SLC39A13: variants seen among roughly 807,000 people sequenced by gnomAD.
SLC39A13 encodes the protein solute carrier family 39 member 13.
A neutral mutation model predicts 38.7 loss-of-function variants in SLC39A13; 18 were observed. That is an observed-to-expected ratio of 0.47 (90% CI 0.32 to 0.69). The LOEUF is 0.69. SLC39A13 is among the 30% of genes least tolerant of loss of function. The pLI is 0.03. For synonymous variants in SLC39A13, 212 were observed against 219.1 expected (o/e 0.97, Z 0.29); for missense variants, 395 against 490.7 (o/e 0.80, Z 1.84).
intron 8 of SLC39A13, 58 bp from the exon 9 acceptor site, chr11:47,414,981 C>A: frequency 6.2e-7 from 1 of 1,609,876 alleles, no homozygotes; most frequent in South Asian, 1.1e-5. Flanking sequence ...GTGGCTACCG[C>A]ACTGCTGGTC....
chr11:47,413,721 T>G (rs1169048217), intron 6 of SLC39A13, 35 bp downstream of exon 6: 1 of 1,603,354 alleles, frequency 6.2e-7, no homozygotes, highest in Non-Finnish European at 8.5e-7. Flanking sequence ...CTCTGGCGAT[T>G]CCAGTGGCAG....
At chr11:47,413,897 G>C in intron 6 of SLC39A13, 3 of 721,124 alleles carry the variant, frequency 4.2e-6, no homozygotes, top group Non-Finnish European at 7.5e-6. Context: ...TCCTTGTTGG[G>C]TGCCTCTGTC....
At chr11:47,410,519 C>T in intron 2 of SLC39A13, 124 bp downstream of exon 2, 1 of 1,306,762 alleles carries the variant, frequency 7.7e-7, no homozygotes, top group Non-Finnish European at 1.1e-6. Flanking sequence ...TAGAACTTCT[C>T]CCCTTGGTCC....
In SLC39A13 at chr11:47,410,196, G is replaced by A; in HGVS notation, c.102G>A (p.Gln34=). The A allele has an allele frequency of 6.2e-7, 1 of 1,613,876 alleles. No individual in the cohort carries two copies. Among genetic ancestry groups the A allele is most frequent in the South Asian group, 1.1e-5 (1 of 91,076 alleles). ...TCTTGGAAAGGGCTGGGGGTTCCCA[G>A]CCGGCCCTCCGGAGCCGGGGGACTG... is the stretch of plus-strand genomic sequence containing the variant. ...LELLERAGGS[Q]PALRSRGTAT... The change falls in exon 2 of 10, where the codon CAG becomes CAA. Residue 34 remains glutamine, a synonymous_variant. Coordinates refer to ENST00000362021, the MANE Select transcript of SLC39A13 (RefSeq NM_001128225.3).
chr11:47,408,318 C>A (rs559794192), upstream of SLC39A13, among the ~76,000 whole-genome samples: 59 of 152,238 alleles, frequency 3.9e-4, no homozygotes, highest in Non-Finnish European at 5.3e-4. Context: ...AGAGCCGCCG[C>A]TTCCGTCCCT....
At chr11:47,414,740 G>A (rs764165855) in intron 7 of SLC39A13, 37 bp from the exon 8 acceptor site, 7 of 1,602,078 alleles carry the variant, frequency 4.4e-6, no homozygotes, top group Admixed American at 1.7e-5. Context: ...ATCAGGCCCC[G>A]CTGGGGCGCA....
chr11:47,412,317 G>T (rs759449829), intron 3 of SLC39A13, 29 bp from the exon 4 acceptor site: 5 of 1,603,542 alleles, frequency 3.1e-6, no homozygotes, highest in South Asian at 2.2e-5. Context: ...GCTTGGCCTG[G>T]CCTGGCCTGG....
intron 6 of SLC39A13, 78 bp from the exon 7 acceptor site, chr11:47,414,347 A>G (rs1395446990): frequency 2.7e-6 from 4 of 1,507,086 alleles, no homozygotes; most frequent in Middle Eastern, 1.7e-4. Flanking sequence ...AGCAGAGTAA[A>G]CCTCTGTGGA....
intron 6 of SLC39A13, 114 bp from the exon 7 acceptor site, chr11:47,414,299 CCAGTGGCCAACA>C: frequency 9.4e-7 from 1 of 1,060,076 alleles, no homozygotes; most frequent in Non-Finnish European, 1.4e-6. Context: ...TGCTGTATTT[CCAGTGGCCAACA>C]CAGTGCCCAC....
rs938888405 is a variant in SLC39A13, at chr11:47,409,658, C to G, written c.-8-429C>G. ...TTGCCCTGGCTCATCTGCTCAGTTTCCCCACGTATGTCTCTCTGAATCCAC... is the reference window on the plus strand; with the variant it reads ...TTGCCCTGGCTCATCTGCTCAGTTTGCCCACGTATGTCTCTCTGAATCCAC... On this transcript the variant is annotated intron_variant, in intron 1 of 9. Coordinates refer to ENST00000362021, the MANE Select transcript of SLC39A13 (RefSeq NM_001128225.3). 12 of 211,128 alleles carry G rather than the reference C, an allele frequency of 5.7e-5. 1 individual carries two copies. The South Asian group carries it at 8.5e-4, about 15-fold the overall frequency. The allele number at this position is 211,128 out of a possible 1,614,324, so 13.1% of individuals were successfully genotyped here.
rs1277777056 is a variant in SLC39A13 at position 47,415,479 on chromosome 11, C to T, written c.*116C>T. On this transcript the variant is annotated 3_prime_UTR_variant, in exon 10 of 10. Transcript: ENST00000362021. ...GTGGCTGCGAGAGAGAATGAGCCTC[C>T]CGCCAGACAGGAGGGAGGTGCGTGT... The T allele has an allele frequency of 8.4e-7, 1 of 1,193,136 alleles. No homozygotes were observed. Among genetic ancestry groups the T allele is most frequent in the African/African-American group, 1.5e-5 (1 of 66,938 alleles). The allele number at this position is 1,193,136 out of a possible 1,614,324, so 73.9% of individuals were successfully genotyped here. A position where few individuals can be genotyped will look rare whatever the true frequency, so the allele number is the denominator to read the frequency against.
At chr11:47,412,507 G>C (rs756545165) in intron 4 of SLC39A13, 40 bp downstream of exon 4, 11 of 1,613,416 alleles carry the variant, frequency 6.8e-6, no homozygotes, top group African/African-American at 1.3e-5. Flanking sequence ...ATCAGCCTCT[G>C]TTCTGTGGTA....
intron 1 of SLC39A13, among the ~76,000 whole-genome samples, chr11:47,409,426 G>A (rs371200604): frequency 2.0e-5 from 3 of 152,240 alleles, no homozygotes; most frequent in African/African-American, 7.2e-5. Flanking sequence ...AGGGCACTGA[G>A]GCTCAGAGGG....
chr11:47,415,289 C>A lies in SLC39A13; in HGVS notation c.1042C>A (p.Arg348Ser). The change falls in exon 10 of 10, where the codon CGC becomes AGC. Residue 348 changes from arginine to serine, a missense_variant and splice_region_variant. By Grantham distance (110) the Arg-to-Ser change is moderately radical. Coordinates refer to ENST00000362021, the MANE Select transcript of SLC39A13 (RefSeq NM_001128225.3). ...PDLLEEEDPW[R>S]SLQQLLLLCA... is the part of the protein sequence containing the mutation. Reference sequence around the variant, plus strand: ...CCGTGAGCCGTTCCCTCCCCACAGGCGCTCCCTGCAGCAGCTGCTTCTGCT... The same window carrying A: ...CCGTGAGCCGTTCCCTCCCCACAGGAGCTCCCTGCAGCAGCTGCTTCTGCT... The A allele has an allele frequency of 6.2e-7, 1 of 1,613,978 alleles. No homozygotes were observed. Among genetic ancestry groups the A allele is most frequent in the Non-Finnish European group, 8.5e-7 (1 of 1,180,012 alleles).
intron 3 of SLC39A13, 108 bp downstream of exon 3, chr11:47,412,147 A>T: frequency 1.5e-6 from 2 of 1,295,816 alleles, no homozygotes; most frequent in Non-Finnish European, 2.2e-6. Context: ...GGTTTCTGGC[A>T]GGAGCTTGCC....
Position 47,415,598 on chromosome 11 carries a change from T to TC in SLC39A13, c.*239dup. On this transcript the variant is annotated 3_prime_UTR_variant, in exon 10 of 10. Coordinates refer to ENST00000362021, the MANE Select transcript of SLC39A13 (RefSeq NM_001128225.3). ...GGTCCGGGGCCCAGTGTAGCGCCTG[T>TC]CCCCAGCCATGCTGTGGTTACCTCT... is the stretch of plus-strand genomic sequence containing the variant. 1 of 630,188 alleles carries TC rather than the reference T, an allele frequency of 1.6e-6. No homozygotes were observed. The highest frequency in any genetic ancestry group is 2.3e-5 in the Admixed American group (1 of 44,252). 39.0% of individuals were successfully genotyped at this position (630,188 alleles called of 1,614,324 possible).
chr11:47,407,358 G>C (rs2095976508), upstream of SLC39A13: 1 of 152,254 alleles, frequency 6.6e-6, no homozygotes, highest in African/African-American at 2.4e-5. Flanking sequence ...GTCTAAGGAA[G>C]GCCAACAGTG....
intron 1 of SLC39A13, chr11:47,409,613 A>G: frequency 5.5e-6 from 1 of 183,278 alleles, no homozygotes; most frequent in Non-Finnish European, 1.2e-5. Flanking sequence ...CTCATGTCCT[A>G]GGAAGAAGCG....
intron 6 of SLC39A13, 69 bp downstream of exon 6, chr11:47,413,755 G>A: frequency 6.5e-7 from 1 of 1,534,088 alleles, no homozygotes; most frequent in South Asian, 1.2e-5. Flanking sequence ...ACCTGTGTCT[G>A]GAGTCTCTGC....
Sources: gnomAD v4.1 joint callset for allele counts (sites outside exome capture counted in the v4.1 genomes callset) on GRCh38, gnomAD v4.1.1 for gene constraint, MANE v1.5 for transcripts, NCBI Gene and HGNC (gene_info 2026-07-23, HGNC 2026-07-21) for gene names.